The following PRKCE variants were observed in gnomAD, a reference collection of about 807,000 sequenced individuals.
PRKCE encodes the protein protein kinase C epsilon type.
A neutral mutation model predicts 85.4 loss-of-function variants in PRKCE; 16 were observed. That is an observed-to-expected ratio of 0.19 (90% CI 0.13 to 0.28). The LOEUF (loss-of-function observed/expected upper bound fraction) is 0.28, where lower values mean the gene tolerates loss of function less well. Among genes scored for constraint, PRKCE ranks in the 10% least tolerant of loss-of-function variants. PRKCE has a pLI of 1.00. For synonymous variants in PRKCE, 388 were observed against 371.5 expected, an observed-to-expected ratio of 1.04 and a Z score of -0.51; for missense variants, 573 against 975.2, an observed-to-expected ratio of 0.59 and a Z score of 5.49.
chr2:46,150,463 T>G (rs1459125917), intron 12 of PRKCE, among the ~76,000 whole-genome samples: 3 of 152,200 alleles, frequency 2.0e-5, no homozygotes, highest in Non-Finnish European at 4.4e-5. Context: ...TCTTAGAATA[T>G]GCAAGAGTAT....
At chr2:46,031,591 C>CGTATGT (rs1491470356) in intron 10 of PRKCE, among the ~76,000 whole-genome samples, 63 of 144,124 alleles carry the variant, frequency 4.4e-4, no homozygotes, top group African/African-American at 1.2e-3. Flanking sequence ...ACATTCTGCT[C>CGTATGT]GTGTGTGTGT....
chr2:45,963,759 C>T (rs755053868), intron 2 of PRKCE, among the ~76,000 whole-genome samples: 6 of 152,304 alleles, frequency 3.9e-5, no homozygotes, highest in South Asian at 2.1e-4. Context: ...GCATTCTGGG[C>T]GCCCTGCCGG....
intron 10 of PRKCE, among the ~76,000 whole-genome samples, chr2:46,050,174 C>G (rs1558394898): frequency 6.6e-6 from 1 of 152,254 alleles, no homozygotes; most frequent in Non-Finnish European, 1.5e-5. Context: ...CCTGAAATCA[C>G]ATTTACCGTT....
intron 1 of PRKCE, among the ~76,000 whole-genome samples, chr2:45,734,156 A>G (rs572464748): frequency 2.3e-4 from 35 of 152,180 alleles, no homozygotes; most frequent in African/African-American, 8.4e-4. Context: ...CATGAGGTCA[A>G]TAGATTGAGA....
At chr2:45,686,878 T>C (rs1245799372) in intron 1 of PRKCE, among the ~76,000 whole-genome samples, 1 of 152,146 alleles carries the variant, frequency 6.6e-6, no homozygotes, top group Non-Finnish European at 1.5e-5. Flanking sequence ...TGAAGAATGG[T>C]AGATTATTCA....
chr2:45,681,952 C>A (rs79109931), intron 1 of PRKCE, among the ~76,000 whole-genome samples: 81 of 152,312 alleles, frequency 5.3e-4, no homozygotes, highest in Non-Finnish European at 1.1e-3. Context: ...AGCCACACCG[C>A]CCCAGTGGTG....
At chr2:45,891,256 A>C (rs758135897) in intron 2 of PRKCE, among the ~76,000 whole-genome samples, 1 of 152,234 alleles carries the variant, frequency 6.6e-6, no homozygotes, top group African/African-American at 2.4e-5. Flanking sequence ...AGAAAGAGCG[A>C]CCAGAAATGT....
At chr2:45,799,301 C>T (rs1687678734) in intron 1 of PRKCE, among the ~76,000 whole-genome samples, 1 of 152,024 alleles carries the variant, frequency 6.6e-6, no homozygotes, top group South Asian at 2.1e-4. Flanking sequence ...TTTCAGTGAT[C>T]TAAAGAATTA....
At chr2:45,990,779 A>G (rs1471793349) in intron 6 of PRKCE, among the ~76,000 whole-genome samples, 1 of 150,928 alleles carries the variant, frequency 6.6e-6, no homozygotes, top group East Asian at 1.9e-4. Flanking sequence ...CTCCTGCCTC[A>G]GCCTCTGGAG....
In PRKCE at chr2:45,689,492, A is replaced by C. The variant is rs551843584; in HGVS notation, c.348+37044A>C. 2.0e-4 allele frequency among the ~76,000 whole-genome samples: 31 copies of C among 151,778 alleles called. No homozygotes were observed. The South Asian group carries it at 6.2e-3, about 30-fold the overall frequency. ...TCCCCTTGTTAAAAATTGATAATGT[A>C]ATCTATCCTTTATTTGTTTTTATAT... On this transcript the variant is annotated intron_variant, in intron 1 of 14. Coordinates refer to ENST00000306156, the MANE Select transcript of PRKCE (RefSeq NM_005400.3).
chr2:45,775,124 C>A (rs1249450428), intron 1 of PRKCE, among the ~76,000 whole-genome samples: 2 of 152,168 alleles, frequency 1.3e-5, no homozygotes, highest in African/African-American at 2.4e-5. Flanking sequence ...GTGGCAGGCA[C>A]TTTACGTAAT....
chr2:46,153,207 A>G (rs911800796), intron 13 of PRKCE, among the ~76,000 whole-genome samples: 1 of 152,234 alleles, frequency 6.6e-6, no homozygotes, highest in Non-Finnish European at 1.5e-5. Flanking sequence ...AAATATATCA[A>G]TAGGTAGCCA....
chr2:45,658,259 G>A (rs1011178293), intron 1 of PRKCE, among the ~76,000 whole-genome samples: 1 of 152,092 alleles, frequency 6.6e-6, no homozygotes, highest in Admixed American at 6.5e-5. Context: ...GCTCTCATTG[G>A]TCCATAGCTG....
intron 1 of PRKCE, among the ~76,000 whole-genome samples, chr2:45,812,448 T>C (rs748492862): frequency 7.9e-5 from 12 of 152,152 alleles, no homozygotes; most frequent in Non-Finnish European, 1.6e-4. Flanking sequence ...GGGGATCCCA[T>C]AGAAGGCAGC....
At chr2:45,983,659 C>T (rs765538106) in intron 5 of PRKCE, among the ~76,000 whole-genome samples, 4 of 152,142 alleles carry the variant, frequency 2.6e-5, no homozygotes, top group South Asian at 2.1e-4. Flanking sequence ...TGTGAAGTTG[C>T]GGTAACCATG....
chr2:46,046,398 C>T (rs1708525560), intron 10 of PRKCE, among the ~76,000 whole-genome samples: 1 of 152,206 alleles, frequency 6.6e-6, no homozygotes, highest in South Asian at 2.1e-4. Flanking sequence ...CAGTGTTTCT[C>T]AATGGCCCTC....
chr2:46,159,933 A>T lies in PRKCE; in HGVS notation c.2067+181A>T. 1 of 663,974 alleles carries T rather than the reference A, an allele frequency of 1.5e-6. No individual in the cohort carries two copies. The highest frequency in any genetic ancestry group is 2.4e-6 in the Non-Finnish European group (1 of 420,746). The allele number at this position is 663,974 out of a possible 1,614,324, so 41.1% of individuals were successfully genotyped here. On this transcript the variant is annotated intron_variant, in intron 14 of 14. Transcript: ENST00000306156. This position sits in a 1 kb window ranked among gnomAD's most constrained non-coding sequence, Gnocchi z 4.1. ...TTTAGGCCCCAAGTGTTTACTATTG[A>T]AAACATGTAACCTACTACAGCAGCA...
intron 2 of PRKCE, among the ~76,000 whole-genome samples, chr2:45,869,061 A>T (rs946839694): frequency 1.3e-5 from 2 of 152,152 alleles, no homozygotes; most frequent in Non-Finnish European, 2.9e-5. Flanking sequence ...AAAGAAAAAA[A>T]GTTCATTTGG....
chr2:45,726,553 A>C (rs916127944), intron 1 of PRKCE, among the ~76,000 whole-genome samples: 1 of 152,244 alleles, frequency 6.6e-6, no homozygotes, highest in African/African-American at 2.4e-5. Flanking sequence ...ATTTTTAGAC[A>C]TAATTACATC....
Sources: allele counts gnomAD v4.1 joint callset (sites outside exome capture counted in the v4.1 genomes callset), GRCh38; gene constraint gnomAD v4.1.1; non-coding constraint Gnocchi (gnomAD v3.1); transcripts MANE v1.5; gene names NCBI Gene and HGNC (gene_info 2026-07-23, HGNC 2026-07-21).